The following RPTOR variants were observed in gnomAD, a reference collection of about 807,000 sequenced individuals.
The protein encoded by RPTOR is regulatory-associated protein of mTOR.
Under a neutral mutation model 169.9 loss-of-function variants are expected in RPTOR, and 21 were observed. The ratio of observed to expected loss-of-function variants is 0.12; its 90% CI spans 0.09 to 0.18. The LOEUF (loss-of-function observed/expected upper bound fraction) is 0.18, where lower values mean the gene tolerates loss of function less well. RPTOR is among the 10% of genes least tolerant of loss of function. The pLI, the probability that RPTOR is intolerant of heterozygous loss-of-function variation, is 1.00. For missense variants in RPTOR, 1,133 were observed against 1,855.9 expected (o/e 0.61, Z 7.16); for synonymous variants, 732 against 753.2 (o/e 0.97, Z 0.46).
At chr17:80,547,112 C>T (rs1338977272) in intron 1 of RPTOR, among the ~76,000 whole-genome samples, 1 of 152,156 alleles carries the variant, frequency 6.6e-6, no homozygotes, top group Non-Finnish European at 1.5e-5. Flanking sequence ...TCTAGTCAGT[C>T]AGTCAGTAGT....
In RPTOR at chr17:80,673,343, C is replaced by T. The variant is rs1420102244; in HGVS notation, c.348+29533C>T. Among the ~76,000 whole-genome samples the T allele has an allele frequency of 2.0e-5, 3 of 152,154 alleles. No homozygotes were observed. In the East Asian group the frequency reaches 5.8e-4, roughly 29 times the overall value. On this transcript the variant is annotated intron_variant, in intron 3 of 33. Coordinates refer to ENST00000306801, the MANE Select transcript of RPTOR (RefSeq NM_020761.3). ...AGGCAGATTTTTAATGATTGTTTCC[C>T]ATGAAAACTGTCACAAAGTTCCCCT... is the stretch of plus-strand genomic sequence containing the variant.
rs748342938 is a variant in RPTOR at position 80,753,994 on chromosome 17, A to G, written c.655-16A>G. On this transcript the variant is annotated splice_polypyrimidine_tract_variant and intron_variant, in intron 5 of 33. Transcript: ENST00000306801. ...GCTAAATCACACTCTCTTTTCCCGAATGTTCTGCCCTTCAGGTAGCTGCAA... is the reference window on the plus strand; with the variant it reads ...GCTAAATCACACTCTCTTTTCCCGAGTGTTCTGCCCTTCAGGTAGCTGCAA... 2.5e-6 allele frequency: 4 copies of G among 1,605,820 alleles called. No homozygotes were observed. Among genetic ancestry groups the G allele is most frequent in the Non-Finnish European group, 3.4e-6 (4 of 1,173,468 alleles).
intron 3 of RPTOR, among the ~76,000 whole-genome samples, chr17:80,684,049 G>A (rs7214361): frequency 0.68 from 102,926 of 152,064 alleles, 35,795 homozygotes; most frequent in African/African-American, 0.84. Context: ...ACTTTCTCAC[G>A]TGAATTCACT....
intron 3 of RPTOR, among the ~76,000 whole-genome samples, chr17:80,683,218 T>C (rs1441615733): frequency 6.6e-6 from 1 of 152,172 alleles, no homozygotes; most frequent in African/African-American, 2.4e-5. Flanking sequence ...CCTCCTCAGC[T>C]TTGCTTTCTC....
At chr17:80,687,928 C>T (rs931040564) in intron 3 of RPTOR, among the ~76,000 whole-genome samples, 1 of 152,312 alleles carries the variant, frequency 6.6e-6, no homozygotes, top group African/African-American at 2.4e-5. Flanking sequence ...CGCCTGCAGG[C>T]CCCTGTCTCA....
At chr17:80,846,002 AGGCTCTGTCCTG>A (rs2067725409) in intron 10 of RPTOR, among the ~76,000 whole-genome samples, 1 of 152,054 alleles carries the variant, frequency 6.6e-6, no homozygotes, top group African/African-American at 2.4e-5. Context: ...TCCATAGCAG[AGGCTCTGTCCTG>A]GGCCCCTTTC....
chr17:80,575,767 A>AT (rs776067911), intron 1 of RPTOR, among the ~76,000 whole-genome samples: 2 of 152,096 alleles, frequency 1.3e-5, no homozygotes, highest in East Asian at 1.9e-4. Context: ...CACTTTACTG[A>AT]TTTTTTTGAC....
chr17:80,846,743 C>T (rs959750169), intron 11 of RPTOR, among the ~76,000 whole-genome samples, 169 bp downstream of exon 11: 1 of 152,216 alleles, frequency 6.6e-6, no homozygotes, highest in African/African-American at 2.4e-5. Context: ...TTCGGGCAAA[C>T]GGATCACACA....
chr17:80,736,941 G>C (rs1022985364), intron 5 of RPTOR, among the ~76,000 whole-genome samples: 5 of 152,202 alleles, frequency 3.3e-5, no homozygotes, highest in African/African-American at 7.2e-5. Flanking sequence ...TCTCTTTCAA[G>C]CAATGATTTT....
At chr17:80,925,944 G>C (rs1019461154) in intron 24 of RPTOR, among the ~76,000 whole-genome samples, 1 of 152,268 alleles carries the variant, frequency 6.6e-6, no homozygotes, top group Admixed American at 6.5e-5. Flanking sequence ...CAGTGGCTGT[G>C]TTCCTGCAGG....
chr17:80,733,361 T>A (rs1351622011), intron 5 of RPTOR, among the ~76,000 whole-genome samples: 1 of 152,128 alleles, frequency 6.6e-6, no homozygotes, highest in Non-Finnish European at 1.5e-5. Context: ...TATAAATAAG[T>A]ATATTTTACC....
intron 21 of RPTOR, among the ~76,000 whole-genome samples, chr17:80,918,429 C>CGAGCACCCTCGCGGGGGTCATAGCCAT (rs1567985999): frequency 1.6e-5 from 2 of 123,068 alleles, no homozygotes; most frequent in African/African-American, 6.5e-5. Context: ...GTCATAGCCA[C>CGAGCACCCTCGCGGGGGTCATAGCCAT]GAGCACCCTC....
chr17:80,838,419 G>GCA (rs1027716403), intron 10 of RPTOR, among the ~76,000 whole-genome samples: 23 of 152,202 alleles, frequency 1.5e-4, no homozygotes, highest in Non-Finnish European at 3.1e-4. Flanking sequence ...CGGCCGCACT[G>GCA]CACGGGCGCT....
At chr17:80,614,305 C>T (rs2143496940) in intron 1 of RPTOR, among the ~76,000 whole-genome samples, 1 of 152,278 alleles carries the variant, frequency 6.6e-6, no homozygotes, top group East Asian at 1.9e-4. Flanking sequence ...CACCTTGTCT[C>T]ATGCTTGAAA....
Position 80,923,775 on chromosome 17 carries a change from G to A in RPTOR, c.2808+102G>A, listed in dbSNP as rs996396016. 3.1e-6 allele frequency: 4 copies of A among 1,305,462 alleles called. No individual in the cohort carries two copies. In the Admixed American group the frequency reaches 1.1e-4, roughly 36 times the overall value. 80.9% of individuals were successfully genotyped at this position (1,305,462 alleles called of 1,614,324 possible). A position where few individuals can be genotyped will look rare whatever the true frequency, so the allele number is the denominator to read the frequency against. ...CAGGCTGCTCACATCACCATGGGAT[G>A]GGGCAGGACCCACCCTGCCGTCCTG... On this transcript the variant is annotated intron_variant, in intron 23 of 33. Coordinates refer to ENST00000306801, the MANE Select transcript of RPTOR (RefSeq NM_020761.3).
At position 80,965,171 on chromosome 17, in the gene RPTOR, G is replaced by T. The variant is rs2069410382; in HGVS notation, c.*841G>T. 1 of 233,320 alleles carries T rather than the reference G, an allele frequency of 4.3e-6. No homozygotes were observed. Among genetic ancestry groups the T allele is most frequent in the East Asian group, 6.0e-5 (1 of 16,590 alleles). 14.5% of individuals were successfully genotyped at this position (233,320 alleles called of 1,614,324 possible). A position where few individuals can be genotyped will look rare whatever the true frequency, so the allele number is the denominator to read the frequency against. On this transcript the variant is annotated 3_prime_UTR_variant, in exon 34 of 34. Coordinates refer to ENST00000306801, the MANE Select transcript of RPTOR (RefSeq NM_020761.3). ...GGCTGCTCTTCCCCACAGGCGCGGG[G>T]ACAGCAGCCCGACCTGTGGTCTCCA...
chr17:80,713,671 TC>T (rs1031608930), intron 4 of RPTOR, among the ~76,000 whole-genome samples: 10 of 152,154 alleles, frequency 6.6e-5, no homozygotes, highest in African/African-American at 2.4e-4. Context: ...GCTCTATTAA[TC>T]AGAGAAAATA....
At chr17:80,774,538 G>A (rs766460863) in intron 6 of RPTOR, among the ~76,000 whole-genome samples, 7 of 152,184 alleles carry the variant, frequency 4.6e-5, no homozygotes, top group South Asian at 2.1e-4. Context: ...ACAGGAGCCC[G>A]GATCTTCTGA....
chr17:80,774,559 C>T (rs1368202415), intron 6 of RPTOR, among the ~76,000 whole-genome samples: 1 of 152,176 alleles, frequency 6.6e-6, no homozygotes, highest in Non-Finnish European at 1.5e-5. Flanking sequence ...TCCCAAATCC[C>T]GTATTATTTT....
Sources: allele counts gnomAD v4.1 joint callset (sites outside exome capture counted in the v4.1 genomes callset), GRCh38; gene constraint gnomAD v4.1.1; transcripts MANE v1.5; gene names NCBI Gene and HGNC (gene_info 2026-07-23, HGNC 2026-07-21).